The following SENP6 variants were observed in gnomAD, a reference collection of about 807,000 sequenced individuals.
SENP6 encodes SUMO specific peptidase 6.
In SENP6, 41 loss-of-function variants were observed where a neutral mutation model predicts 134.5. The observed-to-expected ratio is 0.30, with a 90% CI of 0.24 to 0.40. The LOEUF (loss-of-function observed/expected upper bound fraction) is 0.40. SENP6 is among the 10% of genes least tolerant of loss of function. The pLI is 1.00. For missense variants in SENP6, 1,248 were observed against 1,312.5 expected, an observed-to-expected ratio of 0.95 and a Z score of 0.76; for synonymous variants, 395 against 429.8, an observed-to-expected ratio of 0.92 and a Z score of 1.00.
At position 75,633,608 on chromosome 6, in the gene SENP6, A is replaced by G; in HGVS notation, c.235A>G (p.Asn79Asp). The G allele has an allele frequency of 3.7e-6, 6 of 1,600,766 alleles. No individual in the cohort carries two copies. Among genetic ancestry groups the G allele is most frequent in the Non-Finnish European group, 5.1e-6 (6 of 1,176,404 alleles). ...KLNRRSEIVANSSGEFILKTY... is the reference protein window; with the variant it reads ...KLNRRSEIVADSSGEFILKTY... ...AAATCGTCGATCTGAAATTGTTGCT[A>G]ATAGCTCTGGTGAATTCATCTTGAA... Residue 79 changes from asparagine (N) to aspartate (D), a missense_variant, in exon 4 of 24, where the codon AAT (asparagine) becomes GAT (aspartate). By Grantham distance (23) the Asn-to-Asp change is conservative. Transcript: ENST00000447266.
chr6:75,652,744 C>T (rs1582772783), intron 7 of SENP6, among the ~76,000 whole-genome samples: 1 of 149,408 alleles, frequency 6.7e-6, no homozygotes, highest in Non-Finnish European at 1.5e-5. Flanking sequence ...TGGTTAGCTC[C>T]CAACACAGTA....
intron 10 of SENP6, among the ~76,000 whole-genome samples, chr6:75,670,027 A>G (rs1772547078): frequency 6.6e-6 from 1 of 152,048 alleles, no homozygotes; most frequent in Non-Finnish European, 1.5e-5. Flanking sequence ...TCCACCTCCC[A>G]GGTTTAAGCA....
chr6:75,639,371 C>G (rs1769853169), intron 5 of SENP6, among the ~76,000 whole-genome samples: 1 of 151,494 alleles, frequency 6.6e-6, no homozygotes, highest in Non-Finnish European at 1.5e-5. Context: ...ATATTCTTTT[C>G]CTTTTGAAAA....
intron 9 of SENP6, among the ~76,000 whole-genome samples, chr6:75,666,418 C>G (rs1422797665): frequency 6.6e-6 from 1 of 150,428 alleles, no homozygotes; most frequent in African/African-American, 2.4e-5. Context: ...TTGTAACTTG[C>G]TGATATTGCT....
At chr6:75,655,109 A>T (rs1300820141) in intron 7 of SENP6, 1 of 152,170 alleles carries the variant, frequency 6.6e-6, no homozygotes, top group Non-Finnish European at 1.5e-5. Flanking sequence ...CTACTTGTAT[A>T]CCCTTGAACC....
intron 2 of SENP6, among the ~76,000 whole-genome samples, chr6:75,622,109 T>C (rs780775634): frequency 2.0e-5 from 3 of 152,214 alleles, no homozygotes; most frequent in Non-Finnish European, 4.4e-5. Flanking sequence ...AGAACCATTA[T>C]AAATGATAAA....
intron 19 of SENP6, 119 bp downstream of exon 19, chr6:75,703,191 C>A (rs896584749): frequency 1.2e-5 from 10 of 861,284 alleles, no homozygotes; most frequent in African/African-American, 1.7e-5. Context: ...TGTGGTGGCT[C>A]ACGCTTATAA....
chr6:75,664,418 C>CTATA (rs1234935737), intron 9 of SENP6, among the ~76,000 whole-genome samples: 19 of 151,612 alleles, frequency 1.3e-4, no homozygotes, highest in Admixed American at 2.0e-4. Context: ...ATATATACAT[C>CTATA]TATATATGTC....
At chr6:75,620,992 A>C (rs770197606) in intron 1 of SENP6, among the ~76,000 whole-genome samples, 1 of 152,194 alleles carries the variant, frequency 6.6e-6, no homozygotes, top group East Asian at 1.9e-4. Context: ...TCAGCCATGC[A>C]CTTATAAAAT....
Position 75,621,513 on chromosome 6 carries a change from C to T in SENP6, c.53-19C>T, listed in dbSNP as rs759927677. ...TAGCTCTATTAATGAATACTTACTGCAGTTTGTTTTTATTTCAGCTTTGGC... is the reference window on the plus strand; with the variant it reads ...TAGCTCTATTAATGAATACTTACTGTAGTTTGTTTTTATTTCAGCTTTGGC... On this transcript the variant is annotated intron_variant, in intron 1 of 23. Transcript: ENST00000447266. 1.6e-5 allele frequency: 22 copies of T among 1,395,450 alleles called. 1 individual carries two copies. In the African/African-American group the frequency reaches 3.0e-4, roughly 19 times the overall value. The allele number at this position is 1,395,450 out of a possible 1,614,324, so 86.4% of individuals were successfully genotyped here.
Position 75,675,598 on chromosome 6 carries a change from A to G in SENP6, c.1426+130A>G, listed in dbSNP as rs576180057. On this transcript the variant is annotated intron_variant, in intron 12 of 23. Coordinates refer to ENST00000447266, the MANE Select transcript of SENP6 (RefSeq NM_015571.4). ...AGTTGTTACATATATCTTCTTATCA[A>G]AGGGCATATATCTTGGTGTAATTTC... The G allele has an allele frequency of 1.9e-4, 128 of 673,354 alleles. No homozygotes were observed. The African/African-American group carries it at 2.2e-3, about 12-fold the overall frequency. 41.7% of individuals were successfully genotyped at this position (673,354 alleles called of 1,614,324 possible). A position where few individuals can be genotyped will look rare whatever the true frequency, so the allele number is the denominator to read the frequency against.
intron 6 of SENP6, among the ~76,000 whole-genome samples, chr6:75,646,065 G>T (rs547000646): frequency 1.3e-5 from 2 of 152,226 alleles, no homozygotes; most frequent in East Asian, 1.9e-4. Flanking sequence ...TGTCTCAGAT[G>T]ATTTATGTCA....
chr6:75,671,920 G>T (rs964889004), intron 11 of SENP6, among the ~76,000 whole-genome samples: 10 of 152,280 alleles, frequency 6.6e-5, no homozygotes, highest in African/African-American at 2.4e-4. Flanking sequence ...ACAGCTCTAT[G>T]AGAATCCGGC....
chr6:75,673,856 A>T (rs1027209381), intron 11 of SENP6, among the ~76,000 whole-genome samples: 1 of 151,790 alleles, frequency 6.6e-6, no homozygotes, highest in Non-Finnish European at 1.5e-5. Context: ...CCCCATCTCT[A>T]CTAAGACTAC....
rs1776084832 is a variant in SENP6 at position 75,717,835 on chromosome 6, T to A, written c.*2241T>A. 6.6e-6 allele frequency: 1 copy of A among 152,190 alleles called. No individual in the cohort carries two copies. Among genetic ancestry groups the A allele is most frequent in the African/African-American group, 2.4e-5 (1 of 41,456 alleles). The allele number at this position is 152,190 out of a possible 1,614,324, so 9.4% of individuals were successfully genotyped here. A position where few individuals can be genotyped will look rare whatever the true frequency, so the allele number is the denominator to read the frequency against. On this transcript the variant is annotated 3_prime_UTR_variant, in exon 24 of 24. Coordinates refer to ENST00000447266, the MANE Select transcript of SENP6 (RefSeq NM_015571.4). ...GTATTGGTTTTCTTGTTGGATAGAA[T>A]AACAGTTAATCATTTTTAGAAGAGT...
intron 3 of SENP6, among the ~76,000 whole-genome samples, chr6:75,631,678 T>C (rs192665013): frequency 1.3e-5 from 2 of 152,358 alleles, no homozygotes; most frequent in African/African-American, 2.4e-5. Context: ...ATGGCCACTT[T>C]TGTGCTACAA....
intron 11 of SENP6, among the ~76,000 whole-genome samples, 196 bp downstream of exon 11, chr6:75,670,916 T>C (rs1772624545): frequency 6.7e-6 from 1 of 149,502 alleles, no homozygotes; most frequent in Non-Finnish European, 1.5e-5. Context: ...CCTTCCAATA[T>C]GTTATTGTTT....
chr6:75,633,984 A>C (rs1282322898), intron 4 of SENP6, among the ~76,000 whole-genome samples: 1 of 152,196 alleles, frequency 6.6e-6, no homozygotes, highest in Non-Finnish European at 1.5e-5. Flanking sequence ...GCTTTCATAC[A>C]TTTAGTAGAA....
intron 1 of SENP6, among the ~76,000 whole-genome samples, chr6:75,609,417 T>C (rs1000636675): frequency 6.6e-6 from 1 of 152,234 alleles, no homozygotes; most frequent in Non-Finnish European, 1.5e-5. Context: ...AGTGTTAACG[T>C]CTTCCACATT....
Sources: gnomAD v4.1 joint callset for allele counts (sites outside exome capture counted in the v4.1 genomes callset) on GRCh38, gnomAD v4.1.1 for gene constraint, MANE v1.5 for transcripts, NCBI Gene and HGNC (gene_info 2026-07-23, HGNC 2026-07-21) for gene names.